Variants in EFCAB8 observed in about 807,000 individuals in gnomAD.
The protein encoded by EFCAB8 is EF-hand calcium-binding domain-containing protein 8.
In EFCAB8, 100 loss-of-function variants were observed where a neutral mutation model predicts 116.3. That is an observed-to-expected ratio of 0.86 (90% CI 0.73 to 1.02). The LOEUF (loss-of-function observed/expected upper bound fraction) is 1.02, where lower values mean the gene tolerates loss of function less well. EFCAB8 is among the 50% of genes least tolerant of loss of function. The pLI, the probability that EFCAB8 is intolerant of heterozygous loss-of-function variation, is 0.00. For synonymous variants in EFCAB8, 558 were observed against 567.9 expected (o/e 0.98, Z 0.25); for missense variants, 1,320 against 1,416.9 (o/e 0.93, Z 1.10).
At chr20:32,882,276 A>G (rs1985378192) in intron 5 of EFCAB8, among the ~76,000 whole-genome samples, 1 of 152,106 alleles carries the variant, frequency 6.6e-6, no homozygotes, top group African/African-American at 2.4e-5. Context: ...CTTTGCTGCA[A>G]GTGGCAGCCC....
chr20:32,877,191 T>TTTCTTGTTTTTA (rs1568902962), intron 4 of EFCAB8, among the ~76,000 whole-genome samples: 2 of 146,900 alleles, frequency 1.4e-5, no homozygotes, highest in Non-Finnish European at 3.0e-5. Context: ...ATTTTCTTGT[T>TTTCTTGTTTTTA]TTTATTTATT....
At chr20:32,906,399 G>A (rs765179267) in intron 11 of EFCAB8, among the ~76,000 whole-genome samples, 163 bp from the exon 12 acceptor site, 2 of 152,022 alleles carry the variant, frequency 1.3e-5, no homozygotes, top group African/African-American at 4.8e-5. Flanking sequence ...AACCCTGGGT[G>A]GTCTCTGGGG....
intron 1 of EFCAB8, among the ~76,000 whole-genome samples, chr20:32,861,442 CCA>C (rs1404554658): frequency 1.3e-5 from 2 of 152,202 alleles, no homozygotes; most frequent in African/African-American, 4.8e-5. Context: ...GCATCCACCA[CCA>C]CACCCAGCTA....
intron 15 of EFCAB8, 48 bp from the exon 16 acceptor site, chr20:32,911,432 T>G (rs1600414963): frequency 3.5e-6 from 5 of 1,412,018 alleles, no homozygotes; most frequent in South Asian, 1.6e-5. Context: ...CCCTTGGGAG[T>G]GGAGGCCCCG....
chr20:32,931,284 C>G lies in EFCAB8; in HGVS notation c.2738C>G (p.Pro913Arg). The change falls in exon 22 of 27, where the codon CCT (proline) becomes CGT (arginine). Residue 913 changes from proline to arginine, a missense_variant. By Grantham distance (103) the Pro-to-Arg change is moderately radical. Transcript: ENST00000400522. ...CACAACAAGTTCCGGTTGTTAATTC[C>G]TCAGCAACTTGGGACCAACTTCCCA... ...EAHNKFRLLI[P>R]QQLGTNFPHY... The G allele has an allele frequency of 1.9e-6, 3 of 1,551,594 alleles. No homozygotes were observed. The highest frequency in any genetic ancestry group is 2.6e-6 in the Non-Finnish European group (3 of 1,146,896).
chr20:32,931,168 T>G lies in EFCAB8; in HGVS notation c.2632-10T>G. On this transcript the variant is annotated splice_polypyrimidine_tract_variant and intron_variant, in intron 21 of 26. Transcript: ENST00000400522. ...GGGTGTGAGGCCACTAACCCACACT[T>G]TATGTCTAGATCTGGGACATCAAGG... 6.5e-7 allele frequency: 1 copy of G among 1,531,474 alleles called. No individual in the cohort carries two copies. The highest frequency in any genetic ancestry group is 8.8e-7 in the Non-Finnish European group (1 of 1,137,368). 94.9% of individuals were successfully genotyped at this position (1,531,474 alleles called of 1,614,324 possible).
intron 20 of EFCAB8, among the ~76,000 whole-genome samples, chr20:32,929,054 T>C (rs1442270970): frequency 6.6e-6 from 1 of 152,124 alleles, no homozygotes; most frequent in Non-Finnish European, 1.5e-5. Flanking sequence ...TATATAATCC[T>C]TTTAATATGC....
At chr20:32,940,123 A>T (rs1335431634) in intron 22 of EFCAB8, among the ~76,000 whole-genome samples, 1 of 146,190 alleles carries the variant, frequency 6.8e-6, no homozygotes, top group Non-Finnish European at 1.5e-5. Context: ...GTAAGAAAAA[A>T]ATCTTGAGAA....
intron 1 of EFCAB8, among the ~76,000 whole-genome samples, chr20:32,862,800 T>A (rs1425603397): frequency 6.6e-6 from 1 of 152,010 alleles, no homozygotes; most frequent in Non-Finnish European, 1.5e-5. Flanking sequence ...GCTAATTTTT[T>A]ATATTTTTAG....
At position 32,878,776 on chromosome 20, in the gene EFCAB8, C is replaced by G; in HGVS notation, c.400C>G (p.His134Asp). The G allele has an allele frequency of 6.4e-7, 1 of 1,552,198 alleles. No individual in the cohort carries two copies. Among genetic ancestry groups the G allele is most frequent in the Non-Finnish European group, 8.7e-7 (1 of 1,147,114 alleles). ...CATGCGAAAGAGCCAGTACCGCCTGCACTTCTACCTTCCCATGACGGTCGT... is the reference window on the plus strand; with the variant it reads ...CATGCGAAAGAGCCAGTACCGCCTGGACTTCTACCTTCCCATGACGGTCGT... Reference protein sequence around the residue: ...EDMRKSQYRLHFYLPMTVVPL... With the variant: ...EDMRKSQYRLDFYLPMTVVPL... The change falls in exon 5 of 27, where the codon CAC becomes GAC. Residue 134 changes from histidine (H) to aspartate (D), a missense_variant. His to Asp is a moderately conservative substitution (Grantham distance 81). Coordinates refer to ENST00000400522, the MANE Select transcript of EFCAB8 (RefSeq NM_001143967.2).
chr20:32,935,257 T>C (rs1988072397), intron 22 of EFCAB8, among the ~76,000 whole-genome samples: 1 of 140,996 alleles, frequency 7.1e-6, no homozygotes, highest in Non-Finnish European at 1.5e-5. Flanking sequence ...CTGGAGTGCA[T>C]TGATCCAATC....
intron 11 of EFCAB8, 49 bp downstream of exon 11, chr20:32,898,672 G>T (rs577317643): frequency 8.5e-6 from 6 of 708,740 alleles, no homozygotes; most frequent in African/African-American, 5.3e-5. Context: ...GGAAGGGAGG[G>T]GGGTGGTGAG....
At chr20:32,908,709 C>T (rs1986791168) in intron 14 of EFCAB8, among the ~76,000 whole-genome samples, 3 of 152,256 alleles carry the variant, frequency 2.0e-5, no homozygotes, top group Admixed American at 1.3e-4. Context: ...TGTTAGGAGC[C>T]CTTCCTCCAT....
In EFCAB8 at chr20:32,961,334, T is replaced by C. The variant is rs534510525; in HGVS notation, c.3592T>C (p.Ser1198Pro). The C allele has an allele frequency of 2.0e-6, 3 of 1,483,678 alleles. No homozygotes were observed. In the African/African-American group the frequency reaches 4.2e-5, roughly 21 times the overall value. The allele number at this position is 1,483,678 out of a possible 1,614,324, so 91.9% of individuals were successfully genotyped here. Residue 1198 changes from serine to proline, a missense_variant, in exon 27 of 27, where the codon TCC (serine) becomes CCC (proline). Coordinates refer to ENST00000400522, the MANE Select transcript of EFCAB8 (RefSeq NM_001143967.2). ...TTDSTPAAAS[S>P]PSSLLSVTAS... is the part of the protein sequence containing the mutation. The stretch of plus-strand genomic sequence containing the variant: ...GGACAGCACGCCTGCGGCCGCCTCC[T>C]CCCCATCTTCCTTGTTATCTGTCAC...
chr20:32,914,578 G>A (rs1021656962), intron 17 of EFCAB8, among the ~76,000 whole-genome samples: 1 of 152,328 alleles, frequency 6.6e-6, no homozygotes, highest in Middle Eastern at 3.4e-3. Flanking sequence ...GGGGCCTCAG[G>A]AAACTTACAA....
chr20:32,961,143 C>T lies in EFCAB8; in HGVS notation c.3401C>T (p.Pro1134Leu). Residue 1134 changes from proline (P) to leucine (L), a missense_variant, in exon 27 of 27, where the codon CCT (proline) becomes CTT (leucine). By Grantham distance (98) the Pro-to-Leu change is moderately conservative. Transcript: ENST00000400522. Reference protein sequence around the residue: ...PYGWMKHQISPQVYQSLHFSD... With the variant: ...PYGWMKHQISLQVYQSLHFSD... ...CCACTCTGTTCCCTGCAGATCTCGCCTCAGGTCTACCAAAGCCTGCACTTC... is the reference window on the plus strand; with the variant it reads ...CCACTCTGTTCCCTGCAGATCTCGCTTCAGGTCTACCAAAGCCTGCACTTC... 1.9e-6 allele frequency: 3 copies of T among 1,552,212 alleles called. No homozygotes were observed. The highest frequency in any genetic ancestry group is 2.6e-6 in the Non-Finnish European group (3 of 1,147,088).
intron 23 of EFCAB8, among the ~76,000 whole-genome samples, chr20:32,950,019 AAAC>A (rs148478000): frequency 0.41 from 61,653 of 151,542 alleles, 13,676 homozygotes; most frequent in African/African-American, 0.55. Context: ...CAAAACAACA[AAAC>A]AACAACAACA....
chr20:32,942,220 T>G (rs1988429821), intron 22 of EFCAB8, among the ~76,000 whole-genome samples: 2 of 152,224 alleles, frequency 1.3e-5, no homozygotes, highest in Admixed American at 6.5e-5. Context: ...TTGGTTGATT[T>G]TTAGGTGCAA....
At chr20:32,887,905 T>A (rs1199846892) in intron 6 of EFCAB8, among the ~76,000 whole-genome samples, 2 of 152,162 alleles carry the variant, frequency 1.3e-5, no homozygotes, top group Non-Finnish European at 1.5e-5. Flanking sequence ...TTTGACCAGG[T>A]GACATCTGCA....
Sources: gnomAD v4.1 joint callset for allele counts (sites outside exome capture counted in the v4.1 genomes callset) on GRCh38, gnomAD v4.1.1 for gene constraint, MANE v1.5 for transcripts, NCBI Gene and HGNC (gene_info 2026-07-23, HGNC 2026-07-21) for gene names.